TUSC3: variants seen among roughly 807,000 people sequenced by gnomAD.
The protein encoded by TUSC3 is dolichyl-diphosphooligosaccharide--protein glycosyltransferase subunit TUSC3.
A neutral mutation model predicts 44.8 loss-of-function variants in TUSC3; 45 were observed. The observed-to-expected ratio is 1.00, with a 90% CI of 0.79 to 1.29. The LOEUF is 1.29. Among genes scored for constraint, TUSC3 ranks in the 50% most tolerant of loss-of-function variants. TUSC3 has a pLI of 0.00. For synonymous variants in TUSC3, 212 were observed against 152.9 expected (o/e 1.39, Z -2.85); for missense variants, 519 against 437.9 (o/e 1.19, Z -1.65).
chr8:15,640,240 A>G (rs1375043473), intron 2 of TUSC3, among the ~76,000 whole-genome samples: 1 of 152,240 alleles, frequency 6.6e-6, no homozygotes, highest in Non-Finnish European at 1.5e-5. Flanking sequence ...CCTCCCTGGT[A>G]GAAACACTTT....
chr8:15,550,584 CCT>C (rs1321230186), intron 1 of TUSC3, among the ~76,000 whole-genome samples: 1 of 151,604 alleles, frequency 6.6e-6, no homozygotes, highest in African/African-American at 2.4e-5. Context: ...GCCCCCATCC[CCT>C]GTCCTTTCGC....
intron 10 of TUSC3, among the ~76,000 whole-genome samples, chr8:15,761,182 T>C (rs1812154729): frequency 6.6e-6 from 1 of 152,166 alleles, no homozygotes. Flanking sequence ...TTTCAAGTAA[T>C]AAACTTGCTA....
At chr8:15,812,042 T>C in the TUSC3 span, among the ~76,000 whole-genome samples, 1 of 152,210 alleles carries the variant, frequency 6.6e-6, no homozygotes, top group African/African-American at 2.4e-5. Flanking sequence ...TCCAAAGAAA[T>C]AGGACACACG....
chr8:15,459,453 C>T (rs1310275626), intron 1 of TUSC3, among the ~76,000 whole-genome samples: 3 of 151,618 alleles, frequency 2.0e-5, no homozygotes, highest in Non-Finnish European at 4.4e-5. Context: ...AGCAAGAATC[C>T]TGCTTTATTT....
chr8:15,666,792 CTA>C (rs1807683798), intron 5 of TUSC3, among the ~76,000 whole-genome samples: 1 of 151,238 alleles, frequency 6.6e-6, no homozygotes, highest in African/African-American at 2.4e-5. Flanking sequence ...CATCAGGCAA[CTA>C]TGTCATTTGG....
At chr8:15,654,669 T>G (rs1345742293) in intron 3 of TUSC3, among the ~76,000 whole-genome samples, 1 of 151,998 alleles carries the variant, frequency 6.6e-6, no homozygotes, top group Non-Finnish European at 1.5e-5. Context: ...TGATGGCACA[T>G]GTCTGTAATC....
rs1271584290 is a variant in TUSC3, at chr8:15,568,574, A to C, written c.138+28006A>C. ...TAACTTCTTTCAGCTTTCATTAAGA[A>C]GATAATACAGAAATTAAAAATACAC... On this transcript the variant is annotated intron_variant, in intron 1 of 10. Transcript: ENST00000503731. Among the ~76,000 whole-genome samples, 5 of 152,230 alleles carry C rather than the reference A, an allele frequency of 3.3e-5. No individual in the cohort carries two copies. In the East Asian group the frequency reaches 9.6e-4, roughly 29 times the overall value.
chr8:15,644,877 T>C (rs997968568), intron 2 of TUSC3, among the ~76,000 whole-genome samples: 4 of 152,108 alleles, frequency 2.6e-5, no homozygotes, highest in African/African-American at 7.2e-5. Flanking sequence ...TCCCCAAGTA[T>C]TGTATTTGAG....
chr8:15,663,675 T>C (rs1004103279), intron 5 of TUSC3, among the ~76,000 whole-genome samples: 1 of 151,958 alleles, frequency 6.6e-6, no homozygotes, highest in Admixed American at 6.6e-5. Flanking sequence ...TTCTTAATAT[T>C]GTTTTCTCAC....
chr8:15,635,219 G>C (rs1326440772), intron 2 of TUSC3, among the ~76,000 whole-genome samples: 1 of 152,186 alleles, frequency 6.6e-6, no homozygotes, highest in Non-Finnish European at 1.5e-5. Flanking sequence ...CACATCTCTT[G>C]TATTGATCAT....
intron 3 of TUSC3, among the ~76,000 whole-genome samples, chr8:15,656,821 T>C (rs1807190933): frequency 6.6e-6 from 1 of 152,178 alleles, no homozygotes; most frequent in Non-Finnish European, 1.5e-5. Context: ...TCATTTGAAA[T>C]TTAGGTGAAG....
chr8:15,474,925 A>C (rs1800554745), intron 1 of TUSC3, among the ~76,000 whole-genome samples: 2 of 152,196 alleles, frequency 1.3e-5, no homozygotes, highest in South Asian at 4.1e-4. Context: ...TGGCTAATTA[A>C]AGCAATTTCT....
At chr8:15,539,345 C>CTTTTTTTTTTTTTT (rs35685582), upstream of TUSC3, among the ~76,000 whole-genome samples, 3 of 69,396 alleles carry the variant, frequency 4.3e-5, 1 homozygote, top group African/African-American at 6.1e-5. Context: ...TGCTATGGTT[C>CTTTTTTTTTTTTTT]TTTTTTTTTT....
At chr8:15,567,878 T>C (rs1318282353) in intron 1 of TUSC3, among the ~76,000 whole-genome samples, 1 of 152,172 alleles carries the variant, frequency 6.6e-6, no homozygotes. Flanking sequence ...ATGAATGCCA[T>C]GTTTGCATTT....
In TUSC3 at chr8:15,718,689, TA is replaced by T. The variant is rs371954359; in HGVS notation, c.799-11975del. 1.0e-3 allele frequency among the ~76,000 whole-genome samples: 156 copies of T among 152,260 alleles called. 1 individual carries two copies. In the Middle Eastern group the frequency reaches 0.01, roughly 10 times the overall value. On this transcript the variant is annotated intron_variant, in intron 6 of 10. Transcript: ENST00000503731. The stretch of plus-strand genomic sequence containing the variant: ...CAATTTACCATTTTGGTGACCTCTT[TA>T]ATTTTCATAAACTTAGATATATAAC...
chr8:15,512,343 C>A (rs574306060), intron 2 of TUSC3, among the ~76,000 whole-genome samples: 1 of 152,160 alleles, frequency 6.6e-6, no homozygotes, highest in Non-Finnish European at 1.5e-5. Flanking sequence ...CTCCCCTGAA[C>A]AAGAAGGAAT....
chr8:15,671,822 C>A (rs1481710641), intron 5 of TUSC3, among the ~76,000 whole-genome samples: 1 of 151,924 alleles, frequency 6.6e-6, no homozygotes, highest in Non-Finnish European at 1.5e-5. Context: ...GGTGAATAAA[C>A]CTTGTATGAA....
In TUSC3 at chr8:15,507,731, C is replaced by A. The variant is rs533998100; in HGVS notation, n.189+24248C>A. ...AACTTGATAGGTATTGGAAATTCAA[C>A]TAATAGAAGTCTTTGTACTCTTTAA... On this transcript the variant is annotated intron_variant and non_coding_transcript_variant, in intron 2 of 5. Transcript: ENST00000503191. Among the ~76,000 whole-genome samples the A allele has an allele frequency of 7.2e-4, 110 of 151,802 alleles. 1 individual carries two copies. In the Middle Eastern group the frequency reaches 0.014, roughly 19 times the overall value.
At chr8:15,664,659 A>G (rs2129180817) in intron 5 of TUSC3, among the ~76,000 whole-genome samples, 1 of 149,694 alleles carries the variant, frequency 6.7e-6, no homozygotes, top group East Asian at 2.0e-4. Flanking sequence ...CACTGATAAT[A>G]TAATGTTAAA....
Sources: allele counts gnomAD v4.1 joint callset (sites outside exome capture counted in the v4.1 genomes callset), GRCh38; gene constraint gnomAD v4.1.1; transcripts MANE v1.5; gene names NCBI Gene and HGNC (gene_info 2026-07-23, HGNC 2026-07-21).